The following THADA variants were observed in gnomAD, a reference collection of about 807,000 sequenced individuals.
The protein encoded by THADA is tRNA (32-2'-O)-methyltransferase regulator THADA.
In THADA, 213 loss-of-function variants were observed where a neutral mutation model predicts 219.8. The observed-to-expected ratio is 0.97, with a 90% confidence interval of 0.87 to 1.09. THADA has a LOEUF of 1.09. THADA is among the 50% of genes least tolerant of loss of function. The pLI, the probability that THADA is intolerant of heterozygous loss-of-function variation, is 0.00. For synonymous variants in THADA, 1,018 were observed against 828.9 expected (o/e 1.23, Z -3.92); for missense variants, 2,956 against 2,311.3 (o/e 1.28, Z -5.72).
intron 36 of THADA, among the ~76,000 whole-genome samples, chr2:43,255,277 A>AT (rs1316488090): frequency 6.6e-6 from 1 of 152,160 alleles, no homozygotes; most frequent in Non-Finnish European, 1.5e-5. Context: ...CAAGGTGCCT[A>AT]TTTGCTCTGC....
chr2:43,337,016 A>T (rs1666534434), intron 30 of THADA, among the ~76,000 whole-genome samples: 1 of 152,184 alleles, frequency 6.6e-6, no homozygotes, highest in Non-Finnish European at 1.5e-5. Flanking sequence ...GTAGATCTTG[A>T]TTTACTATGA....
At chr2:43,313,399 G>C (rs1677728152) in intron 31 of THADA, among the ~76,000 whole-genome samples, 1 of 152,178 alleles carries the variant, frequency 6.6e-6, no homozygotes, top group Non-Finnish European at 1.5e-5. Context: ...AATAATAAAA[G>C]TTATATTCCA....
chr2:43,245,029 G>A (rs143022980), intron 36 of THADA, among the ~76,000 whole-genome samples: 2 of 152,146 alleles, frequency 1.3e-5, no homozygotes, highest in Non-Finnish European at 2.9e-5. Context: ...TCCTCTGCCT[G>A]GGCAGAGTTC....
intron 22 of THADA, among the ~76,000 whole-genome samples, chr2:43,523,186 G>A (rs755002417): frequency 2.0e-5 from 3 of 151,850 alleles, no homozygotes; most frequent in Non-Finnish European, 2.9e-5. Context: ...GCAACATGGC[G>A]AAACCCCATC....
chr2:43,381,557 T>A (rs768203640), intron 29 of THADA, among the ~76,000 whole-genome samples: 40 of 151,842 alleles, frequency 2.6e-4, no homozygotes, highest in Non-Finnish European at 5.2e-4. Context: ...GCCATGTGAT[T>A]AATGTTAACA....
chr2:43,292,697 C>A, intron 32 of THADA, 137 bp downstream of exon 32: 1 of 1,066,928 alleles, frequency 9.4e-7, no homozygotes, highest in Non-Finnish European at 1.3e-6. Context: ...GAGTCCTTAT[C>A]CACTGGCTGC....
intron 31 of THADA, among the ~76,000 whole-genome samples, chr2:43,317,530 G>C (rs1441667013): frequency 6.6e-6 from 1 of 152,174 alleles, no homozygotes; most frequent in Non-Finnish European, 1.5e-5. Context: ...CTTATTTGGT[G>C]ATATATTTAT....
intron 26 of THADA, chr2:43,463,277 A>G (rs958388996): frequency 3.3e-5 from 5 of 152,238 alleles, no homozygotes; most frequent in Admixed American, 2.6e-4. Flanking sequence ...TATCAGAAAG[A>G]GCAAACCAAC....
intron 26 of THADA, chr2:43,430,634 C>T (rs980324109): frequency 2.2e-6 from 1 of 461,258 alleles, no homozygotes; most frequent in Non-Finnish European, 4.3e-6. Context: ...GTAGAGTCAA[C>T]ACCAGATTGA....
In THADA at chr2:43,536,890, T is replaced by G. The variant is rs1694683138; in HGVS notation, c.3264+4269A>C. On this transcript the variant is annotated intron_variant, in intron 21 of 37. Transcript: ENST00000405975. ...TAAATAATAAGATTATGCATTTAAG[T>G]GTTTATCAGAGTACCTGGCAAAGAG... 1.3e-5 allele frequency among the ~76,000 whole-genome samples: 2 copies of G among 152,198 alleles called. 1 individual carries two copies. The highest frequency in any genetic ancestry group is 4.1e-4 in the South Asian group (2 of 4,830).
chr2:43,552,110 AC>A lies in THADA; in HGVS notation c.2810+93del, dbSNP rs1696820839. ...TTTTCAATTTTATTCAAAGCAATAG[AC>A]TGCATTCCTTTCCCAGGACACATTC... On this transcript the variant is annotated intron_variant, in intron 18 of 37. Transcript: ENST00000405975. The A allele has an allele frequency of 8.5e-6, 13 of 1,531,650 alleles. No individual in the cohort carries two copies. In the South Asian group the frequency reaches 1.5e-4, roughly 18 times the overall value. 94.9% of individuals were successfully genotyped at this position (1,531,650 alleles called of 1,614,324 possible).
At chr2:43,324,355 T>C (rs1251756712) in intron 30 of THADA, among the ~76,000 whole-genome samples, 1 of 152,160 alleles carries the variant, frequency 6.6e-6, no homozygotes, top group Admixed American at 6.5e-5. Context: ...CTCCCACAAC[T>C]GTGAGGCTTG....
At chr2:43,451,975 C>T (rs1233724703) in intron 26 of THADA, among the ~76,000 whole-genome samples, 2 of 152,090 alleles carry the variant, frequency 1.3e-5, no homozygotes, top group African/African-American at 4.8e-5. Flanking sequence ...GGCGTGATGG[C>T]GCATACCTGT....
chr2:43,327,076 GA>G (rs1047014590), intron 30 of THADA, among the ~76,000 whole-genome samples: 7 of 151,954 alleles, frequency 4.6e-5, no homozygotes, highest in African/African-American at 1.5e-4. Context: ...TATATGTGGA[GA>G]AAAAAATACA....
intron 26 of THADA, among the ~76,000 whole-genome samples, chr2:43,482,267 A>C (rs1310007531): frequency 6.6e-6 from 1 of 152,156 alleles, no homozygotes; most frequent in Non-Finnish European, 1.5e-5. Context: ...CACATCTAAA[A>C]TAAGACTAAT....
chr2:43,418,182 G>T (rs529566643), intron 28 of THADA, among the ~76,000 whole-genome samples: 34 of 152,142 alleles, frequency 2.2e-4, no homozygotes, highest in Non-Finnish European at 4.1e-4. Context: ...ACTCCTTAGG[G>T]AGTCACTTTT....
At chr2:43,236,360 C>T (rs149487059) in intron 36 of THADA, among the ~76,000 whole-genome samples, 381 of 152,258 alleles carry the variant, frequency 2.5e-3, no homozygotes, top group African/African-American at 8.9e-3. Context: ...CTGCCAAATT[C>T]GGTCTCTTAC....
chr2:43,448,281 G>C (rs769755907), intron 26 of THADA, among the ~76,000 whole-genome samples: 2 of 152,190 alleles, frequency 1.3e-5, no homozygotes, highest in African/African-American at 4.8e-5. Context: ...GTCAGTTTCA[G>C]CTCCTAGAAC....
At chr2:43,591,050 GT>G in intron 3 of THADA, 96 bp from the exon 4 acceptor site, 1 of 1,190,602 alleles carries the variant, frequency 8.4e-7, no homozygotes, top group Non-Finnish European at 1.2e-6. Flanking sequence ...GCTGGGTACA[GT>G]GGCTCACCCC....
Sources: allele counts gnomAD v4.1 joint callset (sites outside exome capture counted in the v4.1 genomes callset), GRCh38; gene constraint gnomAD v4.1.1; transcripts MANE v1.5; gene names NCBI Gene and HGNC (gene_info 2026-07-23, HGNC 2026-07-21).